The following MBNL3 variants were observed in gnomAD, a reference collection of about 807,000 sequenced individuals.
MBNL3 encodes the protein muscleblind like splicing regulator 3.
MBNL3 carries 6 observed loss-of-function variants against 24.5 expected under a neutral mutation model. The observed-to-expected ratio is 0.25, with a 90% CI of 0.13 to 0.48. MBNL3 has a LOEUF of 0.48. MBNL3 is among the 20% of genes least tolerant of loss of function. The pLI, the probability that MBNL3 is intolerant of heterozygous loss-of-function variation, is 0.99. For synonymous variants in MBNL3, 100 were observed against 101.7 expected (o/e 0.98, Z 0.10); for missense variants, 230 against 293.5 (o/e 0.78, Z 1.58).
At chrX:132,476,258 G>C (rs907355783) in intron 1 of MBNL3, among the ~76,000 whole-genome samples, 1 of 110,773 alleles carries the variant, frequency 9.0e-6, no homozygotes, top group Non-Finnish European at 1.9e-5. Flanking sequence ...AAAATGTTGT[G>C]AGTACATAGA....
chrX:132,440,065 G>C lies in MBNL3; in HGVS notation c.-454C>G, dbSNP rs1383328236. The stretch of plus-strand genomic sequence containing the variant: ...CCTATTTATTAGCTTTAAATAACAA[G>C]ATTGGGAAGGATGTTAGAACCCAAA... On this transcript the variant is annotated 5_prime_UTR_variant, in exon 2 of 9. In the 5' UTR this introduces an upstream ATG that the reference lacks. Coordinates refer to ENST00000370853, the MANE Select transcript of MBNL3 (RefSeq NM_001386889.1). 9.0e-6 allele frequency among the ~76,000 whole-genome samples: 1 copy of C among 111,108 alleles called. No homozygotes were observed. The highest frequency in any genetic ancestry group is 1.9e-5 in the Non-Finnish European group (1 of 53,027).
intron 2 of MBNL3, among the ~76,000 whole-genome samples, chrX:132,433,250 C>T (rs918191993): frequency 2.7e-5 from 3 of 111,972 alleles, no homozygotes; most frequent in African/African-American, 9.8e-5. Flanking sequence ...AACAATGAAT[C>T]AGTCATCAAT....
chrX:132,447,484 C>T (rs780797167), intron 1 of MBNL3, among the ~76,000 whole-genome samples: 174 of 110,978 alleles, frequency 1.6e-3, no homozygotes, highest in Non-Finnish European at 2.5e-3. Flanking sequence ...CTTGTGAGTT[C>T]GATTCCTAGG....
chrX:132,415,127 C>T (rs1224648993), intron 2 of MBNL3, among the ~76,000 whole-genome samples: 6 of 111,789 alleles, frequency 5.4e-5, no homozygotes, highest in Non-Finnish European at 1.1e-4. Context: ...ACTTCTGCCC[C>T]TTGAAACCAT....
chrX:132,405,880 C>CAAAAAA (rs58288015), intron 3 of MBNL3, among the ~76,000 whole-genome samples: 2 of 32,836 alleles, frequency 6.1e-5, no homozygotes, highest in East Asian at 1.1e-3. Context: ...TCTGTCTCAC[C>CAAAAAA]AAAAAAAAAA....
intron 5 of MBNL3, among the ~76,000 whole-genome samples, chrX:132,388,754 A>C (rs967965709): frequency 9.0e-6 from 1 of 110,760 alleles, no homozygotes; most frequent in African/African-American, 3.3e-5. Context: ...TTTTTTTTTA[A>C]ATACAAGCTG....
intron 5 of MBNL3, among the ~76,000 whole-genome samples, chrX:132,389,371 C>T (rs1009337548): frequency 8.9e-6 from 1 of 111,893 alleles, no homozygotes; most frequent in African/African-American, 3.2e-5. Context: ...CAGTATTTGG[C>T]TTAGACAGGA....
At chrX:132,432,806 A>G (rs1474943656) in intron 2 of MBNL3, 1 of 111,507 alleles carries the variant, frequency 9.0e-6, no homozygotes. Flanking sequence ...TTTAAAAAAT[A>G]GAAACAAAAT....
At chrX:132,481,071 C>T (rs771531145) in intron 1 of MBNL3, among the ~76,000 whole-genome samples, 2 of 112,020 alleles carry the variant, frequency 1.8e-5, no homozygotes, top group Non-Finnish European at 3.8e-5. Context: ...AAATAGCCGC[C>T]AAACAGGAAG....
chrX:132,474,588 A>G (rs1227126965), intron 1 of MBNL3, among the ~76,000 whole-genome samples: 1 of 111,650 alleles, frequency 9.0e-6, no homozygotes, highest in African/African-American at 3.3e-5. Flanking sequence ...ACTTGATCAG[A>G]CTGCACAATT....
At chrX:132,450,950 A>C (rs887684877) in intron 1 of MBNL3, among the ~76,000 whole-genome samples, 3 of 111,884 alleles carry the variant, frequency 2.7e-5, no homozygotes, top group African/African-American at 6.5e-5. Flanking sequence ...GTTGGAGTTT[A>C]CTGGAGGTCC....
At chrX:132,393,191 G>A (rs1198827439) in intron 3 of MBNL3, among the ~76,000 whole-genome samples, 2 of 110,244 alleles carry the variant, frequency 1.8e-5, no homozygotes, top group African/African-American at 6.6e-5. Flanking sequence ...ATTGTTTACT[G>A]TAGTCATCCT....
chrX:132,442,449 A>C (rs1243420657), intron 1 of MBNL3, among the ~76,000 whole-genome samples: 5 of 111,850 alleles, frequency 4.5e-5, no homozygotes, highest in African/African-American at 6.5e-5. Flanking sequence ...TAACTGACTT[A>C]ATGTATTATG....
rs1308301447 is a variant in MBNL3, at chrX:132,376,212, C to T, written c.*3454G>A. On this transcript the variant is annotated 3_prime_UTR_variant, in exon 9 of 9. Coordinates refer to ENST00000370853, the MANE Select transcript of MBNL3 (RefSeq NM_001386889.1). ...AATTGATGGAGTAGAGAGAAGATGA[C>T]TTTCCACATCATGATTAACTACAAA... 9.0e-6 allele frequency: 1 copy of T among 111,093 alleles called. No homozygotes were observed. The highest frequency in any genetic ancestry group is 3.3e-5 in the African/African-American group (1 of 30,700). The allele number at this position is 111,093 out of a possible 1,213,427, so 9.2% of individuals were successfully genotyped here. A position where few individuals can be genotyped will look rare whatever the true frequency, so the allele number is the denominator to read the frequency against.
rs760148599 is a variant in MBNL3, at chrX:132,378,550, A to G, written c.*1116T>C. Reference sequence around the variant, plus strand: ...GAAAATGGCATTTGTGTAAAAGGTGACATTGCCATGGTTTTACACACTTTC... The same window carrying G: ...GAAAATGGCATTTGTGTAAAAGGTGGCATTGCCATGGTTTTACACACTTTC... On this transcript the variant is annotated 3_prime_UTR_variant, in exon 9 of 9. Coordinates refer to ENST00000370853, the MANE Select transcript of MBNL3 (RefSeq NM_001386889.1). 1 of 112,084 alleles carries G rather than the reference A, an allele frequency of 8.9e-6. No individual in the cohort carries two copies. The highest frequency in any genetic ancestry group is 1.9e-5 in the Non-Finnish European group (1 of 53,163). The allele number at this position is 112,084 out of a possible 1,213,427, so 9.2% of individuals were successfully genotyped here.
intron 6 of MBNL3, 36 bp downstream of exon 6, chrX:132,386,625 C>T: frequency 8.3e-7 from 1 of 1,205,885 alleles, no homozygotes; most frequent in Non-Finnish European, 1.1e-6. Flanking sequence ...CACAACATCA[C>T]CAAACTCGCT....
Position 132,379,243 on chromosome X carries a change from C to A in MBNL3, c.*423G>T. 1 of 128,103 alleles carries A rather than the reference C, an allele frequency of 7.8e-6. No homozygotes were observed. Among genetic ancestry groups the A allele is most frequent in the Admixed American group, 8.9e-5 (1 of 11,251 alleles). The allele number at this position is 128,103 out of a possible 1,213,427, so 10.6% of individuals were successfully genotyped here. The stretch of plus-strand genomic sequence containing the variant: ...ATATTTGTTACATCCTGAATCAACC[C>A]AATAGACTATCTTGTAAACAAAATA... On this transcript the variant is annotated 3_prime_UTR_variant, in exon 9 of 9. Transcript: ENST00000370853.
In MBNL3 at chrX:132,386,706, C is replaced by A. The variant is rs1936114022; in HGVS notation, c.877G>T (p.Ala293Ser). ...FNPTVFHCQQALTNLQLPQPA... is the reference protein window; with the variant it reads ...FNPTVFHCQQSLTNLQLPQPA... ...TGTGGGAGCTGCAGGTTAGTCAGAGCCTGTTGGCAGTGGAAAACAGTGGGA... is the reference window on the plus strand; with the variant it reads ...TGTGGGAGCTGCAGGTTAGTCAGAGACTGTTGGCAGTGGAAAACAGTGGGA... Residue 293 changes from alanine to serine, a missense_variant, in exon 6 of 9, where the codon GCT (alanine) becomes TCT (serine). Coordinates refer to ENST00000370853, the MANE Select transcript of MBNL3 (RefSeq NM_001386889.1). The A allele has an allele frequency of 1.7e-6, 2 of 1,210,688 alleles. No homozygotes were observed. The highest frequency in any genetic ancestry group is 2.2e-6 in the Non-Finnish European group (2 of 895,440).
chrX:132,487,491 T>A (rs907413244), intron 1 of MBNL3, among the ~76,000 whole-genome samples: 1 of 112,530 alleles, frequency 8.9e-6, no homozygotes, highest in Non-Finnish European at 1.9e-5. Flanking sequence ...AACTGCACCA[T>A]GCTTTAATAA....
Sources: allele counts gnomAD v4.1 joint callset (sites outside exome capture counted in the v4.1 genomes callset), GRCh38; gene constraint gnomAD v4.1.1; transcripts MANE v1.5; gene names NCBI Gene and HGNC (gene_info 2026-07-23, HGNC 2026-07-21).